CNTNAP5: variants seen among roughly 807,000 people sequenced by gnomAD.
CNTNAP5 encodes the protein contactin associated protein family member 5.
CNTNAP5 carries 72 observed loss-of-function variants against 150.2 expected under a neutral mutation model. The ratio of observed to expected loss-of-function variants is 0.48; its 90% CI spans 0.40 to 0.58. The LOEUF (loss-of-function observed/expected upper bound fraction) is 0.58. CNTNAP5 is among the 20% of genes least tolerant of loss of function. The pLI, the probability that CNTNAP5 is intolerant of heterozygous loss-of-function variation, is 0.00. For synonymous variants in CNTNAP5, 672 were observed against 619.8 expected, an observed-to-expected ratio of 1.08 and a Z score of -1.25; for missense variants, 1,636 against 1,626.2, an observed-to-expected ratio of 1.01 and a Z score of -0.10.
At chr2:124,069,549 T>G (rs1682248913) in intron 1 of CNTNAP5, among the ~76,000 whole-genome samples, 1 of 151,890 alleles carries the variant, frequency 6.6e-6, no homozygotes, top group Admixed American at 6.6e-5. Flanking sequence ...CCCAGTGCTG[T>G]GCTGGCTTCA....
In CNTNAP5 at chr2:124,064,740, G is replaced by A. The variant is rs1036800379; in HGVS notation, c.82+39008G>A. 3.3e-5 allele frequency among the ~76,000 whole-genome samples: 5 copies of A among 151,846 alleles called. No individual in the cohort carries two copies. In the East Asian group the frequency reaches 7.7e-4, roughly 24 times the overall value. ...CCACCACCCTCCCGTGACTACCACT[G>A]GGCTTCAGCTATTCTGAATCTCCTT... On this transcript the variant is annotated intron_variant, in intron 1 of 23. Transcript: ENST00000682447.
intron 19 of CNTNAP5, among the ~76,000 whole-genome samples, chr2:124,832,559 G>A (rs1682738210): frequency 6.6e-6 from 1 of 151,996 alleles, no homozygotes; most frequent in Non-Finnish European, 1.5e-5. Flanking sequence ...GGAGGCTGTG[G>A]ACCAAAATTT....
intron 3 of CNTNAP5, among the ~76,000 whole-genome samples, chr2:124,259,126 C>T (rs866929224): frequency 2.0e-5 from 3 of 151,214 alleles, no homozygotes; most frequent in Non-Finnish European, 4.4e-5. Flanking sequence ...TTTGTCCTTG[C>T]GATAGTGTGC....
intron 1 of CNTNAP5, among the ~76,000 whole-genome samples, chr2:124,039,478 C>T (rs13412940): frequency 0.02 from 3,053 of 152,268 alleles, 101 homozygotes; most frequent in African/African-American, 0.063. Context: ...TGTCTCCCAA[C>T]ATCTGTGAAA....
At chr2:124,597,692 C>A (rs1406467022) in intron 11 of CNTNAP5, among the ~76,000 whole-genome samples, 1 of 151,460 alleles carries the variant, frequency 6.6e-6, no homozygotes, top group Non-Finnish European at 1.5e-5. Flanking sequence ...CGTTGGCCTG[C>A]CTTGCTAGAT....
intron 1 of CNTNAP5, among the ~76,000 whole-genome samples, chr2:124,182,801 T>C (rs527556127): frequency 2.0e-5 from 3 of 152,190 alleles, no homozygotes; most frequent in Non-Finnish European, 4.4e-5. Flanking sequence ...GTGTCTTTAG[T>C]ACCCATGAAG....
intron 13 of CNTNAP5, among the ~76,000 whole-genome samples, chr2:124,708,399 G>A (rs1343743624): frequency 2.0e-5 from 3 of 152,178 alleles, no homozygotes; most frequent in Non-Finnish European, 4.4e-5. Context: ...GTTCTCAAAA[G>A]CAGAGAGGAA....
At chr2:124,892,524 C>A (rs1004842241) in intron 21 of CNTNAP5, among the ~76,000 whole-genome samples, 7 of 152,086 alleles carry the variant, frequency 4.6e-5, no homozygotes, top group African/African-American at 1.7e-4. Context: ...AGTTCTGAAG[C>A]AAGAGCTCTA....
intron 7 of CNTNAP5, among the ~76,000 whole-genome samples, chr2:124,496,876 A>C (rs1181354191): frequency 6.6e-6 from 1 of 152,136 alleles, no homozygotes; most frequent in African/African-American, 2.4e-5. Context: ...TAGTCACCTG[A>C]TTGGATTCAG....
intron 1 of CNTNAP5, among the ~76,000 whole-genome samples, chr2:124,026,278 C>T (rs573304378): frequency 6.6e-6 from 1 of 152,270 alleles, no homozygotes; most frequent in South Asian, 2.1e-4. Context: ...GAGTTTTGGC[C>T]TAAGAGTCAT....
chr2:124,335,429 C>A (rs570851326), intron 3 of CNTNAP5, among the ~76,000 whole-genome samples: 2 of 151,506 alleles, frequency 1.3e-5, no homozygotes, highest in Non-Finnish European at 2.9e-5. Flanking sequence ...GAGGAAGATT[C>A]CCACCTGGTC....
chr2:124,211,610 T>A lies in CNTNAP5; in HGVS notation c.83-10095T>A, dbSNP rs149370866. ...TCTCTGGGCTGCCATTATTTTCTCA[T>A]CTACATACACCAGTAAAGGTCAATG... On this transcript the variant is annotated intron_variant, in intron 1 of 23. Coordinates refer to ENST00000682447, the MANE Select transcript of CNTNAP5 (RefSeq NM_001367498.1). Among the ~76,000 whole-genome samples, 477 of 152,232 alleles carry A rather than the reference T, an allele frequency of 3.1e-3. 2 individuals are homozygous for A. The highest frequency in any genetic ancestry group is 5.0e-3 in the Admixed American group (77 of 15,270).
At chr2:124,115,097 C>T (rs1280870836) in intron 1 of CNTNAP5, among the ~76,000 whole-genome samples, 3 of 151,828 alleles carry the variant, frequency 2.0e-5, no homozygotes, top group Non-Finnish European at 4.4e-5. Flanking sequence ...TATATAAAAT[C>T]AAGGATTCTA....
chr2:124,867,636 C>T (rs930596558), intron 20 of CNTNAP5, among the ~76,000 whole-genome samples: 5 of 152,074 alleles, frequency 3.3e-5, no homozygotes, highest in African/African-American at 1.2e-4. Flanking sequence ...GTTGGTTTCC[C>T]ATCATCTCTC....
intron 2 of CNTNAP5, among the ~76,000 whole-genome samples, chr2:124,236,056 C>G (rs1048060269): frequency 6.6e-6 from 1 of 152,076 alleles, no homozygotes; most frequent in Non-Finnish European, 1.5e-5. Flanking sequence ...ACCTCTGCTT[C>G]CCGGGTTCAA....
intron 1 of CNTNAP5, among the ~76,000 whole-genome samples, chr2:124,034,187 C>T (rs561126190): frequency 3.3e-5 from 5 of 152,292 alleles, no homozygotes; most frequent in African/African-American, 1.2e-4. Context: ...TGAATATGTT[C>T]TGTGTATACT....
At chr2:124,142,051 A>G (rs1684125410) in intron 1 of CNTNAP5, among the ~76,000 whole-genome samples, 1 of 148,086 alleles carries the variant, frequency 6.8e-6, no homozygotes, top group Admixed American at 6.8e-5. Context: ...GAAGGCCATT[A>G]CATAATGGTA....
intron 10 of CNTNAP5, among the ~76,000 whole-genome samples, chr2:124,545,269 T>C (rs541503149): frequency 8.1e-4 from 123 of 152,246 alleles, no homozygotes; most frequent in African/African-American, 3.0e-3. Flanking sequence ...CAAAACCACC[T>C]GCTCAAATCT....
chr2:124,687,828 G>A (rs569861810), intron 13 of CNTNAP5, among the ~76,000 whole-genome samples: 29 of 152,166 alleles, frequency 1.9e-4, no homozygotes, highest in African/African-American at 6.0e-4. Flanking sequence ...AATAAAATGT[G>A]GAGGTATGTT....
Sources: allele counts gnomAD v4.1 joint callset (sites outside exome capture counted in the v4.1 genomes callset), GRCh38; gene constraint gnomAD v4.1.1; transcripts MANE v1.5; gene names NCBI Gene and HGNC (gene_info 2026-07-23, HGNC 2026-07-21).